AMZ2: variants seen among roughly 807,000 people sequenced by gnomAD.
AMZ2 encodes archaelysin family metallopeptidase 2, also known as archaemetzincin-2.
A neutral mutation model predicts 36.7 loss-of-function variants in AMZ2; 26 were observed. The ratio of observed to expected loss-of-function variants is 0.71; its 90% CI spans 0.52 to 0.98. AMZ2 has a LOEUF of 0.98. AMZ2 is among the 50% of genes least tolerant of loss of function. The pLI is 0.00. For missense variants in AMZ2, 394 were observed against 430.5 expected (o/e 0.92, Z 0.75); for synonymous variants, 144 against 149.1 (o/e 0.97, Z 0.25).
chr17:68,223,983 G>A (rs12944120), intron 1 of AMZ2, among the ~76,000 whole-genome samples: 4,210 of 151,654 alleles, frequency 0.028, 191 homozygotes, highest in African/African-American at 0.094. Flanking sequence ...TCTGCCTCCC[G>A]GGTTCACGCC....
In AMZ2 at chr17:68,256,853, C is replaced by T. The variant is rs781977425; in HGVS notation, c.967C>T (p.Pro323Ser). Residue 323 changes from proline (P) to serine (S), a missense_variant, in exon 7 of 7, where the codon CCT (proline) becomes TCT (serine). Coordinates refer to ENST00000359904, the MANE Select transcript of AMZ2 (RefSeq NM_016627.5). ...RWIDDESSDT[P>S]GATPEHSHED... ...GATTGATGATGAATCTTCTGACACA[C>T]CTGGAGCAACTCCAGAACACAGTCA... 7.4e-6 allele frequency: 12 copies of T among 1,613,834 alleles called. No homozygotes were observed. Among genetic ancestry groups the T allele is most frequent in the Middle Eastern group, 1.6e-4 (1 of 6,084 alleles).
intron 1 of AMZ2, among the ~76,000 whole-genome samples, chr17:68,224,948 C>T (rs1249719214): frequency 6.6e-5 from 10 of 151,354 alleles, no homozygotes; most frequent in Admixed American, 2.6e-4. Flanking sequence ...GAGGCGGAGG[C>T]GGGTGGATCA....
At chr17:68,253,974 A>G (rs369716722) in intron 4 of AMZ2, among the ~76,000 whole-genome samples, 48 of 152,160 alleles carry the variant, frequency 3.2e-4, no homozygotes, top group African/African-American at 1.0e-3. Context: ...TGAGCTTCTG[A>G]CATCAGGTGA....
rs567913731 is a variant in AMZ2, at chr17:68,210,429, C to T, written c.-67+4191C>T. 1.8e-4 allele frequency among the ~76,000 whole-genome samples: 27 copies of T among 152,270 alleles called. 1 individual carries two copies. Among genetic ancestry groups the T allele is most frequent in the African/African-American group, 6.5e-4 (27 of 41,552 alleles). ...ATTATGCTAAGCGAAATAAGCCAGT[C>T]ACCAAAGGACAAATACTGTGTGATT... On this transcript the variant is annotated intron_variant, in intron 1 of 7. Transcript: ENST00000674770.
At position 68,209,632 on chromosome 17, in the gene AMZ2, A is replaced by AT. The variant is rs1224207690; in HGVS notation, c.-67+3409dup. 6.4e-3 allele frequency among the ~76,000 whole-genome samples: 578 copies of AT among 90,676 alleles called. 14 individuals carry two copies. The South Asian group carries it at 0.09, about 14-fold the overall frequency. The allele number at this position is 90,676 out of a possible 152,430, so 59.5% of individuals were successfully genotyped here. On this transcript the variant is annotated intron_variant, in intron 1 of 7. Transcript: ENST00000674770. Reference sequence around the variant, plus strand: ...TATGTATATATATATATATATATATATTTTTTTTTTTTTTTATACAGAGTC... The same window carrying AT: ...TATGTATATATATATATATATATATATTTTTTTTTTTTTTTTATACAGAGTC...
At chr17:68,220,403 T>G (rs1422865084) in intron 1 of AMZ2, among the ~76,000 whole-genome samples, 1 of 152,086 alleles carries the variant, frequency 6.6e-6, no homozygotes, top group Non-Finnish European at 1.5e-5. Flanking sequence ...CAGTCTGACT[T>G]CTAGATTAGA....
intron 1 of AMZ2, 115 bp downstream of exon 1, chr17:68,248,820 T>A: frequency 2.1e-6 from 2 of 954,358 alleles, no homozygotes; most frequent in Non-Finnish European, 2.5e-6. Flanking sequence ...GAGCTTTGAG[T>A]ACAGAGACAT....
At chr17:68,223,293 C>T (rs2073416114) in intron 1 of AMZ2, among the ~76,000 whole-genome samples, 1 of 152,002 alleles carries the variant, frequency 6.6e-6, no homozygotes, top group Non-Finnish European at 1.5e-5. Context: ...CACCAGAAGG[C>T]ATGAAGGACT....
chr17:68,248,893 A>G, intron 1 of AMZ2, 188 bp downstream of exon 1: 1 of 667,980 alleles, frequency 1.5e-6, no homozygotes, highest in Non-Finnish European at 1.9e-6. Context: ...CAGAACAGAC[A>G]TTAGCTTAAG....
chr17:68,235,229 C>G lies in AMZ2; in HGVS notation c.-66-13411C>G, dbSNP rs8076542. On this transcript the variant is annotated intron_variant, in intron 1 of 7. Transcript: ENST00000674770. The surrounding 1 kb of genome is among the most constrained non-coding windows in gnomAD (Gnocchi z 4.2). ...CAGCGCTGGTTTCTTAGCAAAAAAA[C>G]AACTTGTTAAATGTCAGGGCTTTGT... is the stretch of plus-strand genomic sequence containing the variant. Among the ~76,000 whole-genome samples the G allele has an allele frequency of 0.21, 32,029 of 152,096 alleles. 3,819 individuals carry two copies. The highest frequency in any genetic ancestry group is 0.41 in the East Asian group (2,109 of 5,176).
In AMZ2 at chr17:68,206,178, G is replaced by T. The variant is rs1366881989; in HGVS notation, c.-127G>T. ...TCTGGAGGAGCTGGAAGACGACGAC[G>T]ACGCCAGTTACTGCACAGAAAGCAG... On this transcript the variant is annotated 5_prime_UTR_variant, in exon 1 of 8. Transcript: ENST00000674770. The T allele has an allele frequency of 6.1e-6, 8 of 1,306,242 alleles. No individual in the cohort carries two copies. In the African/African-American group the frequency reaches 1.2e-4, roughly 20 times the overall value. 80.9% of individuals were successfully genotyped at this position (1,306,242 alleles called of 1,614,324 possible). A position where few individuals can be genotyped will look rare whatever the true frequency, so the allele number is the denominator to read the frequency against.
chr17:68,209,630 A>ATTTTTTTTTTTTTTT (rs1339157573), intron 1 of AMZ2, among the ~76,000 whole-genome samples: 28 of 98,446 alleles, frequency 2.8e-4, no homozygotes, highest in African/African-American at 1.3e-3. Context: ...ATATATATAT[A>ATTTTTTTTTTTTTTT]TATTTTTTTT....
chr17:68,247,955 G>A (rs1555736470), upstream of AMZ2: 2 of 984,668 alleles, frequency 2.0e-6, no homozygotes, highest in Non-Finnish European at 2.4e-6. Flanking sequence ...GGTGGGTCGT[G>A]AGTTGGGCGG....
chr17:68,206,293 C>G lies in AMZ2; in HGVS notation c.-67+55C>G, dbSNP rs12944479. ...CCTTCCCCACCTCCTCTGCCCTCCC[C>G]CCTTGCTCACTCGTGTGCTGTGCAT... On this transcript the variant is annotated intron_variant, in intron 1 of 7. Coordinates refer to the AMZ2 transcript ENST00000674770. 459 of 1,251,502 alleles carry G rather than the reference C, an allele frequency of 3.7e-4. 7 individuals carry two copies. In the East Asian group the frequency reaches 0.013, roughly 36 times the overall value. 77.5% of individuals were successfully genotyped at this position (1,251,502 alleles called of 1,614,324 possible). A position where few individuals can be genotyped will look rare whatever the true frequency, so the allele number is the denominator to read the frequency against.
chr17:68,230,513 G>T (rs1458532768), intron 1 of AMZ2, among the ~76,000 whole-genome samples: 2 of 152,206 alleles, frequency 1.3e-5, no homozygotes, highest in Non-Finnish European at 2.9e-5. Context: ...TAGAGGGCAT[G>T]AATACCAGGA....
intron 1 of AMZ2, among the ~76,000 whole-genome samples, chr17:68,226,029 G>A (rs2073506982): frequency 6.6e-6 from 1 of 152,136 alleles, no homozygotes; most frequent in African/African-American, 2.4e-5. Context: ...AGTATGAAAA[G>A]GGGGACGTGC....
At chr17:68,221,664 G>T (rs1555728577) in intron 1 of AMZ2, among the ~76,000 whole-genome samples, 2 of 151,472 alleles carry the variant, frequency 1.3e-5, no homozygotes, top group African/African-American at 2.4e-5. Context: ...AGAGGCAGAG[G>T]TTGCAGTGAG....
intron 1 of AMZ2, among the ~76,000 whole-genome samples, chr17:68,232,183 C>G (rs1233841890): frequency 1.4e-4 from 20 of 146,894 alleles, no homozygotes; most frequent in Non-Finnish European, 4.5e-5. Flanking sequence ...TGTAAGGTAC[C>G]TTAAGAACGT....
At chr17:68,210,311 A>G (rs1267659617) in intron 1 of AMZ2, among the ~76,000 whole-genome samples, 2 of 152,270 alleles carry the variant, frequency 1.3e-5, no homozygotes, top group African/African-American at 4.8e-5. Context: ...TGATGAATGG[A>G]TAACCCAAAT....
Sources: gnomAD v4.1 joint callset for allele counts (sites outside exome capture counted in the v4.1 genomes callset) on GRCh38, gnomAD v4.1.1 for gene constraint, Gnocchi (gnomAD v3.1) non-coding constraint, MANE v1.5 for transcripts, NCBI Gene and HGNC (gene_info 2026-07-23, HGNC 2026-07-21) for gene names.